Variants in NLGN1 observed in about 807,000 individuals in gnomAD.
The protein encoded by NLGN1 is neuroligin-1.
Under a neutral mutation model 65.5 loss-of-function variants are expected in NLGN1, and 12 were observed. That is an observed-to-expected ratio of 0.18 (90% CI 0.12 to 0.30). NLGN1 has a LOEUF of 0.30. Among genes scored for constraint, NLGN1 ranks in the 10% least tolerant of loss-of-function variants. The probability of loss-of-function intolerance (pLI) is 1.00; values close to 1 mark genes in which losing one functional copy is unlikely to be tolerated. For synonymous variants in NLGN1, 350 were observed against 359.5 expected, an observed-to-expected ratio of 0.97 and a Z score of 0.30; for missense variants, 750 against 1,007.1, an observed-to-expected ratio of 0.74 and a Z score of 3.46.
At chr3:173,889,637 G>A (rs1734968807) in intron 4 of NLGN1, among the ~76,000 whole-genome samples, 1 of 152,260 alleles carries the variant, frequency 6.6e-6, no homozygotes, top group South Asian at 2.1e-4. Context: ...TATGGAGGTT[G>A]AGACTGAAAG....
At chr3:173,996,092 G>A (rs1215886207) in intron 4 of NLGN1, among the ~76,000 whole-genome samples, 3 of 152,100 alleles carry the variant, frequency 2.0e-5, no homozygotes, top group Admixed American at 1.3e-4. Context: ...AAGCATTAAT[G>A]TATTTCTTTG....
intron 4 of NLGN1, 144 bp from the exon 5 acceptor site, chr3:174,275,171 C>G: frequency 3.2e-6 from 2 of 623,750 alleles, no homozygotes; most frequent in South Asian, 4.3e-5. Context: ...AAAGTAAATT[C>G]TTTTGTTATA....
intron 4 of NLGN1, among the ~76,000 whole-genome samples, chr3:174,032,263 T>A (rs770722977): frequency 4.6e-5 from 7 of 152,198 alleles, no homozygotes; most frequent in Non-Finnish European, 1.0e-4. Context: ...ATTTCTAGTT[T>A]AATGTGAAGG....
At chr3:173,538,812 A>C (rs1185856775) in intron 2 of NLGN1, among the ~76,000 whole-genome samples, 2 of 152,128 alleles carry the variant, frequency 1.3e-5, no homozygotes, top group African/African-American at 4.8e-5. Flanking sequence ...GTAATTATTA[A>C]AATATTCCTC....
intron 4 of NLGN1, among the ~76,000 whole-genome samples, chr3:174,089,818 T>C (rs1377361823): frequency 6.6e-6 from 1 of 152,100 alleles, no homozygotes; most frequent in East Asian, 1.9e-4. Context: ...ATCCAGAATT[T>C]CTATGGCAAA....
chr3:173,427,542 A>G (rs1052844780), intron 1 of NLGN1, among the ~76,000 whole-genome samples: 1 of 151,624 alleles, frequency 6.6e-6, no homozygotes, highest in Non-Finnish European at 1.5e-5. Flanking sequence ...GAATTTCAAA[A>G]TTTTCTTTGC....
intron 4 of NLGN1, among the ~76,000 whole-genome samples, chr3:173,992,939 A>G (rs1334348883): frequency 6.6e-6 from 1 of 152,214 alleles, no homozygotes; most frequent in Non-Finnish European, 1.5e-5. Flanking sequence ...TCTTAATTTT[A>G]TCCATGTGGG....
intron 4 of NLGN1, among the ~76,000 whole-genome samples, chr3:174,206,469 C>T (rs1334346846): frequency 6.6e-6 from 1 of 152,104 alleles, no homozygotes. Context: ...TAGCCCACCC[C>T]CTCTTATTTG....
intron 3 of NLGN1, among the ~76,000 whole-genome samples, chr3:173,740,529 C>A (rs1470729659): frequency 6.6e-6 from 1 of 151,930 alleles, no homozygotes; most frequent in Non-Finnish European, 1.5e-5. Flanking sequence ...CTCCCTCATG[C>A]CCTCCCATAC....
At chr3:174,230,073 G>T (rs1020885015) in intron 4 of NLGN1, among the ~76,000 whole-genome samples, 3 of 152,062 alleles carry the variant, frequency 2.0e-5, no homozygotes, top group Non-Finnish European at 4.4e-5. Flanking sequence ...ACAAGTGAAG[G>T]TCTCACAGGT....
chr3:173,823,300 T>C (rs904841644), intron 4 of NLGN1, among the ~76,000 whole-genome samples: 1 of 151,980 alleles, frequency 6.6e-6, no homozygotes, highest in African/African-American at 2.4e-5. Flanking sequence ...ATACATAATT[T>C]GAAATTTTAC....
chr3:173,803,559 G>A (rs528814665), intron 3 of NLGN1, among the ~76,000 whole-genome samples: 1 of 152,230 alleles, frequency 6.6e-6, no homozygotes, highest in African/African-American at 2.4e-5. Context: ...AATGAGCCCA[G>A]ATTGCACCAC....
chr3:173,736,793 T>C (rs1773843729), intron 3 of NLGN1, among the ~76,000 whole-genome samples: 1 of 152,166 alleles, frequency 6.6e-6, no homozygotes, highest in South Asian at 2.1e-4. Context: ...AGTAGAAATA[T>C]ATATTTATAT....
At chr3:174,024,361 T>C (rs966057863) in intron 4 of NLGN1, among the ~76,000 whole-genome samples, 2 of 152,066 alleles carry the variant, frequency 1.3e-5, no homozygotes, top group Non-Finnish European at 2.9e-5. Context: ...AAATGAGTAA[T>C]GCGGCCATGA....
intron 2 of NLGN1, among the ~76,000 whole-genome samples, chr3:173,449,165 T>C (rs1004594816): frequency 1.1e-4 from 16 of 152,140 alleles, no homozygotes; most frequent in Non-Finnish European, 2.1e-4. Context: ...AGGGTGTCAA[T>C]TTTAGATCTT....
In NLGN1 at chr3:173,870,175, G is replaced by A. The variant is rs565538622; in HGVS notation, c.646+62343G>A. On this transcript the variant is annotated intron_variant, in intron 4 of 6. Coordinates refer to ENST00000457714, the Ensembl canonical transcript of NLGN1. ...TATTATACATGTAATGAATATACAT[G>A]TTACCATTATCTCTTCTAATCTGTT... Among the ~76,000 whole-genome samples the A allele has an allele frequency of 6.7e-4, 102 of 152,228 alleles. 1 individual carries two copies. Among genetic ancestry groups the A allele is most frequent in the African/African-American group, 2.2e-3 (93 of 41,546 alleles).
intron 1 of NLGN1, among the ~76,000 whole-genome samples, chr3:173,419,020 C>CTT (rs59051811): frequency 2.4e-3 from 30 of 12,256 alleles, no homozygotes; most frequent in East Asian, 8.1e-3. Flanking sequence ...TCTTCTTCTT[C>CTT]TTTTTTTTTT....
At chr3:173,505,085 A>G (rs910206664) in intron 2 of NLGN1, among the ~76,000 whole-genome samples, 1 of 151,514 alleles carries the variant, frequency 6.6e-6, no homozygotes, top group Admixed American at 6.6e-5. Flanking sequence ...ACTCCTTCAC[A>G]TCCAGACTTC....
intron 4 of NLGN1, among the ~76,000 whole-genome samples, chr3:174,040,062 AT>A (rs1373428099): frequency 3.3e-5 from 5 of 152,128 alleles, no homozygotes; most frequent in African/African-American, 1.2e-4. Context: ...CTGTGTCCTA[AT>A]TATCTTTGAC....
Sources: gnomAD v4.1 joint callset for allele counts (sites outside exome capture counted in the v4.1 genomes callset) on GRCh38, gnomAD v4.1.1 for gene constraint, MANE v1.5 for transcripts, NCBI Gene and HGNC (gene_info 2026-07-23, HGNC 2026-07-21) for gene names.